The following SPPL2B variants were observed in gnomAD, a reference collection of about 807,000 sequenced individuals.
SPPL2B encodes signal peptide peptidase-like 2B.
In SPPL2B, 39 loss-of-function variants were observed where a neutral mutation model predicts 59.7. That is an observed-to-expected ratio of 0.65 (90% confidence interval 0.51 to 0.85). The LOEUF is 0.85. SPPL2B is among the 40% of genes least tolerant of loss of function. The pLI is 0.00. For missense variants in SPPL2B, 865 were observed against 849.0 expected, an observed-to-expected ratio of 1.02 and a Z score of -0.23; for synonymous variants, 419 against 370.8, an observed-to-expected ratio of 1.13 and a Z score of -1.49.
intron 1 of SPPL2B, chr19:2,330,470 A>AGGGT (rs1310203133): frequency 1.3e-5 from 2 of 152,428 alleles, no homozygotes; most frequent in African/African-American, 4.8e-5. Context: ...CAGGAGGGGA[A>AGGGT]GGGTGTTGGA....
At chr19:2,342,910 A>G (rs1969140557) in intron 8 of SPPL2B, 1 of 390,844 alleles carries the variant, frequency 2.6e-6, no homozygotes, top group South Asian at 2.8e-5. Flanking sequence ...GGGGACAGCG[A>G]CCGAGGAGAC....
intron 3 of SPPL2B, 84 bp from the exon 4 acceptor site, chr19:2,338,668 A>G (rs891500153): frequency 3.2e-6 from 3 of 927,622 alleles, no homozygotes; most frequent in Non-Finnish European, 5.1e-6. Flanking sequence ...TGAGGGTCCC[A>G]GGAGAGGAGG....
At chr19:2,340,684 A>T (rs867179203) in intron 7 of SPPL2B, among the ~76,000 whole-genome samples, 4 of 152,204 alleles carry the variant, frequency 2.6e-5, no homozygotes, top group Middle Eastern at 3.4e-3. Context: ...CTCTGTGGGT[A>T]CAGCCCGTGG....
rs1969934946 is a variant in SPPL2B, at chr19:2,351,710, G to A, written c.1515+116G>A. ...GCCCTGCGGCCGCGACGGGGCTCAGGGTCCTGGTACCTTCTGCTTTGGGTG... is the reference window on the plus strand; with the variant it reads ...GCCCTGCGGCCGCGACGGGGCTCAGAGTCCTGGTACCTTCTGCTTTGGGTG... On this transcript the variant is annotated intron_variant, in intron 14 of 14. Transcript: ENST00000613503. 5 of 1,399,716 alleles carry A rather than the reference G, an allele frequency of 3.6e-6. No individual in the cohort carries two copies. The South Asian group carries it at 4.0e-5, about 11-fold the overall frequency. The allele number at this position is 1,399,716 out of a possible 1,614,324, so 86.7% of individuals were successfully genotyped here. A position where few individuals can be genotyped will look rare whatever the true frequency, so the allele number is the denominator to read the frequency against.
At position 2,332,926 on chromosome 19, in the gene SPPL2B, G is replaced by T. The variant is rs991647764; in HGVS notation, c.67-1676G>T. Among the ~76,000 whole-genome samples, 16 of 151,942 alleles carry T rather than the reference G, an allele frequency of 1.1e-4. No individual in the cohort carries two copies. The highest frequency in any genetic ancestry group is 3.6e-4 in the African/African-American group (15 of 41,314). On this transcript the variant is annotated intron_variant, in intron 1 of 14. Coordinates refer to ENST00000613503, the MANE Select transcript of SPPL2B (RefSeq NM_152988.3). This position sits in a 1 kb window ranked among gnomAD's most constrained non-coding sequence, Gnocchi z 4.6. ...GGCAGGGGAGCAGAAGGAAGGTGGG[G>T]ATGGCAGGTGCGGGCGGCTGGACTG...
intron 8 of SPPL2B, chr19:2,342,036 T>G (rs562832796): frequency 2.4e-4 from 39 of 159,568 alleles, no homozygotes; most frequent in African/African-American, 9.1e-4. Context: ...TGGAGGCCTC[T>G]GCTGTTAGCA....
chr19:2,328,748 G>C lies in SPPL2B; in HGVS notation c.39G>C (p.Leu13Phe), dbSNP rs781343242. ...AAVAAALARL[L>F]AAFLLLAAQV... ...TGGCGGCTGCGCTGGCGCGGCTTTT[G>C]GCGGCCTTTCTGCTCCTCGCGGCCC... is the stretch of plus-strand genomic sequence containing the variant. Residue 13 changes from leucine to phenylalanine, a missense_variant, in exon 1 of 15, where the codon TTG becomes TTC. Leu to Phe is a conservative substitution (Grantham distance 22). Coordinates refer to ENST00000613503, the MANE Select transcript of SPPL2B (RefSeq NM_152988.3). 2.7e-6 allele frequency: 4 copies of C among 1,462,714 alleles called. No homozygotes were observed. The highest frequency in any genetic ancestry group is 2.6e-5 in the Admixed American group (1 of 38,658). The allele number at this position is 1,462,714 out of a possible 1,614,324, so 90.6% of individuals were successfully genotyped here. A position where few individuals can be genotyped will look rare whatever the true frequency, so the allele number is the denominator to read the frequency against.
chr19:2,336,084 CAT>C (rs771795430), intron 2 of SPPL2B, among the ~76,000 whole-genome samples: 11 of 152,240 alleles, frequency 7.2e-5, no homozygotes, highest in South Asian at 4.1e-4. Context: ...TGTGTGAGCA[CAT>C]GTGTACTAGA....
At chr19:2,330,848 G>A (rs1438035713) in intron 1 of SPPL2B, 1 of 152,378 alleles carries the variant, frequency 6.6e-6, no homozygotes, top group Non-Finnish European at 1.5e-5. Flanking sequence ...TCCGGAGGGT[G>A]GGGAGTCAAA....
chr19:2,340,351 A>G lies in SPPL2B; in HGVS notation c.839+179A>G, dbSNP rs182166194. Among the ~76,000 whole-genome samples, 600 of 152,154 alleles carry G rather than the reference A, an allele frequency of 3.9e-3. 4 individuals are homozygous for G. Among genetic ancestry groups the G allele is most frequent in the African/African-American group, 0.014 (573 of 41,540 alleles). ...AGGGCGGAGTCTGGGCGAGCTATCAATGGAGCCCACCAGCAGCCAGGCGCC... is the reference window on the plus strand; with the variant it reads ...AGGGCGGAGTCTGGGCGAGCTATCAGTGGAGCCCACCAGCAGCCAGGCGCC... On this transcript the variant is annotated intron_variant, in intron 7 of 14. Transcript: ENST00000613503.
intron 2 of SPPL2B, among the ~76,000 whole-genome samples, chr19:2,336,336 T>C (rs1968611834): frequency 6.6e-6 from 1 of 152,062 alleles, no homozygotes; most frequent in South Asian, 2.1e-4. Context: ...TAGTTATGTT[T>C]GTGGATGTGT....
At chr19:2,344,751 T>G in intron 12 of SPPL2B, 99 bp downstream of exon 12, 1 of 782,286 alleles carries the variant, frequency 1.3e-6, no homozygotes, top group Admixed American at 2.0e-5. Flanking sequence ...CACCGTCGGC[T>G]GGAGATAAAG....
chr19:2,344,412 C>T lies in SPPL2B; in HGVS notation c.1164C>T (p.Ala388=). 1 of 1,570,398 alleles carries T rather than the reference C, an allele frequency of 6.4e-7. No homozygotes were observed. The highest frequency in any genetic ancestry group is 8.6e-7 in the Non-Finnish European group (1 of 1,158,288). ...TGGCCACTGGGCCCTCGGACTCAGC[C>T]ACCCGTGAGAAGGTGTGTCTTCTGA... is the stretch of plus-strand genomic sequence containing the variant. ...VEVATGPSDS[A]TREKLPMVLK... The change falls in exon 11 of 15, where the codon GCC becomes GCT. Residue 388 remains alanine (A), a synonymous_variant. Coordinates refer to ENST00000613503, the MANE Select transcript of SPPL2B (RefSeq NM_152988.3).
At position 2,353,442 on chromosome 19, in the gene SPPL2B, GCT is replaced by G; in HGVS notation, c.*238_*239del. 1 of 566,788 alleles carries G rather than the reference GCT, an allele frequency of 1.8e-6. No individual in the cohort carries two copies. Among genetic ancestry groups the G allele is most frequent in the South Asian group, 2.1e-5 (1 of 47,352 alleles). 35.1% of individuals were successfully genotyped at this position (566,788 alleles called of 1,614,324 possible). On this transcript the variant is annotated 3_prime_UTR_variant, in exon 15 of 15. Coordinates refer to ENST00000613503, the MANE Select transcript of SPPL2B (RefSeq NM_152988.3). ...CTCCCAGCTCGCCCGGCTGCCACAA[GCT>G]CTCTGCGGGTCCATCCTCCCCACCG... is the stretch of plus-strand genomic sequence containing the variant.
intron 14 of SPPL2B, among the ~76,000 whole-genome samples, chr19:2,352,654 C>A (rs1969990247): frequency 6.6e-6 from 1 of 152,144 alleles, no homozygotes; most frequent in South Asian, 2.1e-4. Context: ...AGCCGGGGAC[C>A]AGGCCCAGGG....
chr19:2,331,839 T>C (rs1968307668), intron 1 of SPPL2B, among the ~76,000 whole-genome samples: 1 of 152,218 alleles, frequency 6.6e-6, no homozygotes, highest in South Asian at 2.1e-4. Context: ...CCTGTTGTTC[T>C]TCCAGAGCCG....
intron 10 of SPPL2B, 35 bp from the exon 11 acceptor site, chr19:2,344,327 C>CAA: frequency 1.1e-6 from 1 of 910,252 alleles, no homozygotes; most frequent in Non-Finnish European, 1.7e-6. Context: ...CCCACCCCAT[C>CAA]ACCACGCTCC....
At chr19:2,351,621 A>G (rs772345531) in intron 14 of SPPL2B, 27 bp downstream of exon 14, 23 of 1,590,732 alleles carry the variant, frequency 1.4e-5, no homozygotes, top group Non-Finnish European at 1.9e-5. Flanking sequence ...TCTGACTGTG[A>G]GAAATACTCG....
At chr19:2,344,736 C>A in intron 12 of SPPL2B, 84 bp downstream of exon 12, 1 of 852,182 alleles carries the variant, frequency 1.2e-6, no homozygotes, top group Non-Finnish European at 1.9e-6. Flanking sequence ...AGTGAGTGGC[C>A]CGCACACCGT....
Sources: allele counts gnomAD v4.1 joint callset (sites outside exome capture counted in the v4.1 genomes callset), GRCh38; gene constraint gnomAD v4.1.1; non-coding constraint Gnocchi (gnomAD v3.1); transcripts MANE v1.5; gene names NCBI Gene and HGNC (gene_info 2026-07-23, HGNC 2026-07-21).